Variants in PCDH9 observed in about 807,000 individuals in gnomAD.
PCDH9 encodes protocadherin-9.
Under a neutral mutation model 70.6 loss-of-function variants are expected in PCDH9, and 24 were observed. The observed-to-expected ratio is 0.34, with a 90% CI of 0.25 to 0.48. The LOEUF is 0.48. Among genes scored for constraint, PCDH9 ranks in the 20% least tolerant of loss-of-function variants. The pLI is 0.99. For missense variants in PCDH9, 1,281 were observed against 1,503.6 expected, an observed-to-expected ratio of 0.85 and a Z score of 2.45; for synonymous variants, 562 against 558.5, an observed-to-expected ratio of 1.01 and a Z score of -0.09.
At chr13:66,630,662 T>C (rs993734959) in intron 4 of PCDH9, 2 of 151,968 alleles carry the variant, frequency 1.3e-5, no homozygotes, top group African/African-American at 4.8e-5. Context: ...AACCCCCAAA[T>C]TGTTATCTCT....
chr13:67,057,801 A>G (rs760836788), intron 2 of PCDH9, among the ~76,000 whole-genome samples: 27 of 152,156 alleles, frequency 1.8e-4, no homozygotes, highest in Non-Finnish European at 3.5e-4. Flanking sequence ...ACCATCAGAA[A>G]AACTCAGGTC....
At chr13:66,675,036 T>C (rs2078223967) in intron 3 of PCDH9, among the ~76,000 whole-genome samples, 1 of 152,150 alleles carries the variant, frequency 6.6e-6, no homozygotes, top group African/African-American at 2.4e-5. Flanking sequence ...TCTTATGTTT[T>C]ATGCAGTTTG....
chr13:67,144,328 T>C (rs1171373535), intron 2 of PCDH9, among the ~76,000 whole-genome samples: 1 of 152,180 alleles, frequency 6.6e-6, no homozygotes, highest in Non-Finnish European at 1.5e-5. Context: ...GGAACAATAC[T>C]CTTCCATCTT....
intron 4 of PCDH9, among the ~76,000 whole-genome samples, chr13:66,614,463 T>G (rs1223663674): frequency 1.3e-5 from 2 of 152,258 alleles, no homozygotes; most frequent in Admixed American, 1.3e-4. Context: ...AGGTTTTTGC[T>G]TCTTTAAAAT....
chr13:66,471,232 G>A (rs1958613674), intron 4 of PCDH9, among the ~76,000 whole-genome samples: 1 of 151,946 alleles, frequency 6.6e-6, no homozygotes, highest in South Asian at 2.1e-4. Context: ...GAGGAGGGAG[G>A]CAATGAGAAA....
intron 4 of PCDH9, among the ~76,000 whole-genome samples, chr13:66,467,602 G>A (rs1958540660): frequency 1.3e-5 from 2 of 151,570 alleles, no homozygotes. Flanking sequence ...ATTATCTAAG[G>A]GCATGCTCTA....
chr13:67,090,948 T>C (rs1167939124), intron 2 of PCDH9, among the ~76,000 whole-genome samples: 1 of 152,056 alleles, frequency 6.6e-6, no homozygotes, highest in African/African-American at 2.4e-5. Flanking sequence ...TCCAGAGCCT[T>C]AACTGAAATT....
chr13:67,179,029 C>T (rs1421926033), intron 2 of PCDH9, among the ~76,000 whole-genome samples: 2 of 152,050 alleles, frequency 1.3e-5, no homozygotes, highest in Non-Finnish European at 2.9e-5. Flanking sequence ...TAAACTTGTG[C>T]ATTTATGCTT....
In PCDH9 at chr13:66,835,911, C is replaced by A. The variant is rs147010690; in HGVS notation, c.3138+67593G>T. Among the ~76,000 whole-genome samples, 1,218 of 151,994 alleles carry A rather than the reference C, an allele frequency of 8.0e-3. 12 individuals carry two copies. Among genetic ancestry groups the A allele is most frequent in the African/African-American group, 0.027 (1,138 of 41,444 alleles). Reference sequence around the variant, plus strand: ...AGCATGAAAAAAACTTAAATATGACCCTAGACACTTAATTTGAGATAAAAG... The same window carrying A: ...AGCATGAAAAAAACTTAAATATGACACTAGACACTTAATTTGAGATAAAAG... On this transcript the variant is annotated intron_variant, in intron 3 of 4. Coordinates refer to ENST00000377865, the MANE Select transcript of PCDH9 (RefSeq NM_203487.3).
At chr13:66,464,769 A>T (rs2138463670) in intron 4 of PCDH9, among the ~76,000 whole-genome samples, 1 of 152,058 alleles carries the variant, frequency 6.6e-6, no homozygotes, top group South Asian at 2.1e-4. Context: ...TAGTACTTTT[A>T]TGAAAAGGAG....
chr13:66,557,108 T>C (rs1961771877), intron 4 of PCDH9, among the ~76,000 whole-genome samples: 1 of 152,188 alleles, frequency 6.6e-6, no homozygotes, highest in African/African-American at 2.4e-5. Flanking sequence ...CAAATACTGC[T>C]GAGGAAGTAG....
intron 4 of PCDH9, among the ~76,000 whole-genome samples, chr13:66,348,991 G>A (rs371725247): frequency 6.6e-6 from 1 of 152,092 alleles, no homozygotes; most frequent in East Asian, 1.9e-4. Flanking sequence ...TAAATGAGAT[G>A]CCAAAAATAG....
At chr13:66,819,574 A>T (rs1256856056) in intron 3 of PCDH9, among the ~76,000 whole-genome samples, 2 of 152,072 alleles carry the variant, frequency 1.3e-5, no homozygotes, top group Non-Finnish European at 2.9e-5. Flanking sequence ...TTAATTAGGG[A>T]GAGTATCTGT....
At chr13:66,545,829 T>TTTTATTTTATTTA (rs751643461) in intron 4 of PCDH9, among the ~76,000 whole-genome samples, 13 of 147,448 alleles carry the variant, frequency 8.8e-5, no homozygotes, top group Non-Finnish European at 1.8e-4. Context: ...TTTTATTTTA[T>TTTTATTTTATTTA]TTTATTTATT....
chr13:66,632,292 G>A (rs1465112245), intron 3 of PCDH9, among the ~76,000 whole-genome samples: 2 of 152,160 alleles, frequency 1.3e-5, no homozygotes, highest in Admixed American at 6.5e-5. Flanking sequence ...TCTCAGGATC[G>A]ACTGACTGAA....
At chr13:66,809,703 G>C (rs1315124787) in intron 3 of PCDH9, among the ~76,000 whole-genome samples, 2 of 152,178 alleles carry the variant, frequency 1.3e-5, no homozygotes, top group Non-Finnish European at 2.9e-5. Context: ...TTAATGTCTT[G>C]CTCTGTTTAC....
chr13:66,456,061 T>A (rs1031448670), intron 4 of PCDH9, among the ~76,000 whole-genome samples: 5 of 152,278 alleles, frequency 3.3e-5, no homozygotes, highest in African/African-American at 1.2e-4. Context: ...TTGAAAATAT[T>A]ATGTAGTGTG....
chr13:66,703,763 T>C (rs1380378180), intron 3 of PCDH9, among the ~76,000 whole-genome samples: 1 of 151,628 alleles, frequency 6.6e-6, no homozygotes, highest in Non-Finnish European at 1.5e-5. Context: ...CCAGGCATAG[T>C]GGTGAGTGCC....
intron 3 of PCDH9, among the ~76,000 whole-genome samples, chr13:66,651,958 T>C (rs996632388): frequency 6.6e-6 from 1 of 152,050 alleles, no homozygotes; most frequent in African/African-American, 2.4e-5. Flanking sequence ...TAAAGTTCAA[T>C]ACCCTTTATG....
Sources: gnomAD v4.1 joint callset for allele counts (sites outside exome capture counted in the v4.1 genomes callset) on GRCh38, gnomAD v4.1.1 for gene constraint, MANE v1.5 for transcripts, NCBI Gene and HGNC (gene_info 2026-07-23, HGNC 2026-07-21) for gene names.